Variants in ME3 observed in about 807,000 individuals in gnomAD.
ME3 encodes the protein malic enzyme 3, also known as NADP-dependent malic enzyme, mitochondrial.
In ME3, 48 loss-of-function variants were observed where a neutral mutation model predicts 68.9. That is an observed-to-expected ratio of 0.70 (90% CI 0.55 to 0.89). The LOEUF (loss-of-function observed/expected upper bound fraction) is 0.89, where lower values mean the gene tolerates loss of function less well. Among genes scored for constraint, ME3 ranks in the 40% least tolerant of loss-of-function variants. The probability of loss-of-function intolerance (pLI) is 0.00; values close to 1 mark genes in which losing one functional copy is unlikely to be tolerated. For missense variants in ME3, 675 were observed against 797.4 expected (o/e 0.85, Z 1.85); for synonymous variants, 320 against 318.8 (o/e 1.00, Z -0.04).
chr11:86,569,737 G>T (rs560747764), intron 2 of ME3, among the ~76,000 whole-genome samples: 1 of 152,310 alleles, frequency 6.6e-6, no homozygotes, highest in African/African-American at 2.4e-5. Flanking sequence ...CGGCAGGAAG[G>T]TATGATGATT....
intron 2 of ME3, among the ~76,000 whole-genome samples, chr11:86,665,881 AGAAGACT>A (rs1160328366): frequency 2.0e-5 from 3 of 152,226 alleles, no homozygotes; most frequent in Non-Finnish European, 2.9e-5. Flanking sequence ...CATCTAGAGG[AGAAGACT>A]GAAGACTGAA....
At chr11:86,460,463 G>A (rs1041430334) in intron 8 of ME3, among the ~76,000 whole-genome samples, 1 of 152,220 alleles carries the variant, frequency 6.6e-6, no homozygotes, top group South Asian at 2.1e-4. Flanking sequence ...GATCAGTAGA[G>A]TGGGGCTCCC....
intron 2 of ME3, among the ~76,000 whole-genome samples, chr11:86,623,046 A>T (rs941847204): frequency 6.6e-6 from 1 of 152,222 alleles, no homozygotes; most frequent in Non-Finnish European, 1.5e-5. Context: ...TGCCAACTTG[A>T]CTGAGTCAGA....
chr11:86,610,613 T>C (rs1314278390), intron 2 of ME3, among the ~76,000 whole-genome samples: 3 of 150,876 alleles, frequency 2.0e-5, no homozygotes, highest in Non-Finnish European at 4.4e-5. Flanking sequence ...TCAGGGTGGC[T>C]GTGCATGCAT....
At chr11:86,531,843 G>A (rs1955260016) in intron 4 of ME3, among the ~76,000 whole-genome samples, 1 of 125,730 alleles carries the variant, frequency 8.0e-6, no homozygotes, top group African/African-American at 2.9e-5. Flanking sequence ...GGGGGAGGGG[G>A]GAGGCATAGC....
At chr11:86,549,032 A>G (rs1430463627) in intron 4 of ME3, among the ~76,000 whole-genome samples, 1 of 152,228 alleles carries the variant, frequency 6.6e-6, no homozygotes, top group African/African-American at 2.4e-5. Context: ...CCCATCCCAG[A>G]CTTGCTCAGT....
chr11:86,603,335 G>A (rs1260324641), intron 2 of ME3, among the ~76,000 whole-genome samples: 5 of 152,008 alleles, frequency 3.3e-5, no homozygotes, highest in South Asian at 2.1e-4. Context: ...GCAGCCAAAA[G>A]ACACATGAAA....
exon 13 of ME3, chr11:86,446,402 T>C (rs1224991777): frequency 6.2e-7 from 1 of 1,614,186 alleles, no homozygotes; most frequent in Non-Finnish European, 8.5e-7. Flanking sequence ...CACGTAAGCA[T>C]TGTTTCCCTG....
chr11:86,519,307 T>C (rs1954100421), intron 4 of ME3, among the ~76,000 whole-genome samples: 1 of 152,216 alleles, frequency 6.6e-6, no homozygotes, highest in Admixed American at 6.5e-5. Flanking sequence ...AAAATCCTCT[T>C]GAATGTTTGA....
intron 7 of ME3, 21 bp downstream of exon 7, chr11:86,487,316 G>T: frequency 6.3e-7 from 1 of 1,599,100 alleles, no homozygotes; most frequent in East Asian, 2.2e-5. Flanking sequence ...TCTTTCAAAA[G>T]GGACAGACTG....
intron 2 of ME3, among the ~76,000 whole-genome samples, chr11:86,634,097 A>T (rs984256066): frequency 1.3e-5 from 2 of 152,044 alleles, no homozygotes; most frequent in Admixed American, 1.3e-4. Flanking sequence ...ACAAACAGCC[A>T]TTTTGGGCAT....
At chr11:86,637,754 G>A (rs986625761) in intron 2 of ME3, among the ~76,000 whole-genome samples, 1 of 152,110 alleles carries the variant, frequency 6.6e-6, no homozygotes, top group Non-Finnish European at 1.5e-5. Flanking sequence ...TCTGGTAGAG[G>A]TTGATGAAGA....
chr11:86,500,771 A>G (rs1952671506), intron 5 of ME3, among the ~76,000 whole-genome samples: 1 of 151,442 alleles, frequency 6.6e-6, no homozygotes, highest in Non-Finnish European at 1.5e-5. Flanking sequence ...CTCCATCTCA[A>G]CCTCTCTATT....
rs1018440558 is a variant in ME3, at chr11:86,515,534, G to A, written c.468-6667C>T. ...ATGGGGACATTGGTTTCTCCATTAC[G>A]GGAATGACTGTGAGAATCAAACAAG... On this transcript the variant is annotated intron_variant, in intron 4 of 14. Coordinates refer to ENST00000543262, the Ensembl canonical transcript of ME3. Among the ~76,000 whole-genome samples the A allele has an allele frequency of 3.9e-5, 6 of 152,096 alleles. No individual in the cohort carries two copies. The South Asian group carries it at 6.2e-4, about 16-fold the overall frequency.
chr11:86,612,832 G>A (rs1164672382), intron 2 of ME3, among the ~76,000 whole-genome samples: 3 of 152,036 alleles, frequency 2.0e-5, no homozygotes, highest in Admixed American at 1.3e-4. Context: ...TGGATAGATT[G>A]CAAAAATCTT....
chr11:86,537,797 T>C (rs1290723457), intron 4 of ME3, among the ~76,000 whole-genome samples: 1 of 152,166 alleles, frequency 6.6e-6, no homozygotes, highest in African/African-American at 2.4e-5. Context: ...AACATCTGTA[T>C]TGGCTAGAGT....
chr11:86,585,457 A>G (rs952778048), intron 2 of ME3, among the ~76,000 whole-genome samples: 5 of 152,072 alleles, frequency 3.3e-5, no homozygotes, highest in Admixed American at 6.6e-5. Flanking sequence ...GGGTTGAGTG[A>G]GAGAGAGGGG....
intron 5 of ME3, among the ~76,000 whole-genome samples, chr11:86,504,407 T>TTTTTTTTTTTTTA (rs1491166256): frequency 6.4e-4 from 80 of 125,560 alleles, no homozygotes; most frequent in African/African-American, 2.4e-3. Flanking sequence ...TTTTTTTTTT[T>TTTTTTTTTTTTTA]GAGACAGAGT....
chr11:86,438,525 GA>G (rs1256041059), downstream of ME3, among the ~76,000 whole-genome samples: 3 of 152,032 alleles, frequency 2.0e-5, no homozygotes, highest in Non-Finnish European at 4.4e-5. Flanking sequence ...CCTATTTTCT[GA>G]AAGAGTTTCT....
Sources: gnomAD v4.1 joint callset for allele counts (sites outside exome capture counted in the v4.1 genomes callset) on GRCh38, gnomAD v4.1.1 for gene constraint, MANE v1.5 for transcripts, NCBI Gene and HGNC (gene_info 2026-07-23, HGNC 2026-07-21) for gene names.